LYST: variants seen among roughly 807,000 people sequenced by gnomAD.
LYST encodes lysosomal trafficking regulator.
LYST carries 192 observed loss-of-function variants against 413.6 expected under a neutral mutation model. That is an observed-to-expected ratio of 0.46 (90% CI 0.41 to 0.52). The LOEUF (loss-of-function observed/expected upper bound fraction) is 0.52, where lower values mean the gene tolerates loss of function less well. Among genes scored for constraint, LYST ranks in the 20% least tolerant of loss-of-function variants. The probability of loss-of-function intolerance (pLI) is 0.00; values close to 1 mark genes in which losing one functional copy is unlikely to be tolerated. For missense variants in LYST, 3,815 were observed against 4,499.9 expected (o/e 0.85, Z 4.35); for synonymous variants, 1,525 against 1,567.3 (o/e 0.97, Z 0.64).
chr1:235,694,395 A>G (rs1243124396), intron 46 of LYST, among the ~76,000 whole-genome samples: 1 of 152,010 alleles, frequency 6.6e-6, no homozygotes, highest in African/African-American at 2.4e-5. Context: ...CAGTACTATT[A>G]ATTATCTATG....
chr1:235,768,607 G>GA (rs1341979063), intron 20 of LYST, among the ~76,000 whole-genome samples: 3 of 151,764 alleles, frequency 2.0e-5, no homozygotes, highest in African/African-American at 4.8e-5. Flanking sequence ...TACATGTAAA[G>GA]AAAAAAATTT....
chr1:235,680,792 T>C (rs545265263), intron 48 of LYST, among the ~76,000 whole-genome samples: 55 of 151,964 alleles, frequency 3.6e-4, no homozygotes, highest in African/African-American at 1.3e-3. Flanking sequence ...AGAGAAGAGG[T>C]TTCCCCATGT....
chr1:235,695,759 A>T lies in LYST; in HGVS notation c.10564+1324T>A, dbSNP rs556835802. ...GCCATTCTCCTGCCTCAGCCTCCCG[A>T]GTAGCTGGGACTACAGGAGCCCGCC... is the stretch of plus-strand genomic sequence containing the variant. On this transcript the variant is annotated intron_variant, in intron 46 of 52. Transcript: ENST00000389793. 2.7e-5 allele frequency among the ~76,000 whole-genome samples: 4 copies of T among 150,504 alleles called. No individual in the cohort carries two copies. In the Admixed American group the frequency reaches 2.7e-4, roughly 10 times the overall value.
chr1:235,669,765 C>T (rs1463141012), intron 50 of LYST, among the ~76,000 whole-genome samples: 1 of 152,212 alleles, frequency 6.6e-6, no homozygotes. Flanking sequence ...AGTGTACTTT[C>T]ATTTTCAATA....
Position 235,734,653 on chromosome 1 carries a change from C to T in LYST, c.8365G>A (p.Ala2789Thr). The stretch of plus-strand genomic sequence containing the variant: ...TCTGACAAATACAAAACTAACTTGG[C>T]TCCATGCTTTAAAAAAAGTAATAAT... Reference protein sequence around the residue: ...DCLSPSLQHGAKLVLYLSELI... With the variant: ...DCLSPSLQHGTKLVLYLSELI... Residue 2789 changes from alanine (A) to threonine (T), a missense_variant, in exon 32 of 53, where the codon GCC (alanine) becomes ACC (threonine). This residue lies in a region of LYST where 771 missense variants were observed against 837.1 expected (regional missense o/e 0.92). Coordinates refer to ENST00000389793, the MANE Select transcript of LYST (RefSeq NM_000081.4). The T allele has an allele frequency of 6.2e-7, 1 of 1,602,994 alleles. No individual in the cohort carries two copies. Among genetic ancestry groups the T allele is most frequent in the Non-Finnish European group, 8.5e-7 (1 of 1,173,938 alleles).
At chr1:235,665,078 G>A (rs1230537589) in intron 50 of LYST, among the ~76,000 whole-genome samples, 1 of 152,250 alleles carries the variant, frequency 6.6e-6, no homozygotes, top group Admixed American at 6.5e-5. Flanking sequence ...ACAGGCGTGA[G>A]CCACTGCACC....
chr1:235,833,391 T>C (rs527401972), intron 2 of LYST, among the ~76,000 whole-genome samples, 187 bp downstream of exon 2: 26 of 152,282 alleles, frequency 1.7e-4, no homozygotes, highest in African/African-American at 6.0e-4. Flanking sequence ...CTCTTAATGT[T>C]ATGTTCATTC....
chr1:235,664,705 G>A lies in LYST; in HGVS notation c.11039-84C>T. ...TTGGCCCCAGAAGGGCAACCCTGAA[G>A]GGCAAGCTCATTTGTTTATTGATGA... On this transcript the variant is annotated intron_variant, in intron 50 of 52. Transcript: ENST00000389793. This position sits in a 1 kb window ranked among gnomAD's most constrained non-coding sequence, Gnocchi z 4.5. The A allele has an allele frequency of 8.2e-7, 1 of 1,221,504 alleles. No homozygotes were observed. Among genetic ancestry groups the A allele is most frequent in the Admixed American group, 1.8e-5 (1 of 56,958 alleles). The allele number at this position is 1,221,504 out of a possible 1,614,324, so 75.7% of individuals were successfully genotyped here. A position where few individuals can be genotyped will look rare whatever the true frequency, so the allele number is the denominator to read the frequency against.
intron 43 of LYST, among the ~76,000 whole-genome samples, chr1:235,709,757 A>C (rs1393839479): frequency 6.7e-6 from 1 of 150,142 alleles, no homozygotes; most frequent in Non-Finnish European, 1.5e-5. Flanking sequence ...TTTAGTAAAT[A>C]TTAGTATTCT....
chr1:235,663,175 T>A (rs1658171385), intron 52 of LYST, 97 bp from the exon 53 acceptor site: 2 of 837,264 alleles, frequency 2.4e-6, no homozygotes, highest in East Asian at 2.5e-5. Context: ...AGAAGTTATC[T>A]TCAGTGGCGC....
At chr1:235,717,703 A>G (rs756682993) in intron 40 of LYST, among the ~76,000 whole-genome samples, 18 of 144,634 alleles carry the variant, frequency 1.2e-4, no homozygotes, top group Admixed American at 2.0e-4. Flanking sequence ...ACATGTTGAT[A>G]CATCTTTTTT....
At chr1:235,768,817 T>TATAAATGATGC (rs1457429249) in intron 20 of LYST, among the ~76,000 whole-genome samples, 6 of 152,064 alleles carry the variant, frequency 3.9e-5, no homozygotes, top group Admixed American at 3.9e-4. Context: ...AAAACTGATG[T>TATAAATGATGC]ATAAATGATG....
In LYST at chr1:235,820,473, G is replaced by A. The variant is rs558037523; in HGVS notation, c.193-7412C>T. Among the ~76,000 whole-genome samples the A allele has an allele frequency of 4.0e-5, 6 of 151,698 alleles. No individual in the cohort carries two copies. The East Asian group carries it at 7.8e-4, about 20-fold the overall frequency. ...CAACCTCCACTGCCCAGGCTCAGGC[G>A]ATCCTCCCGCCCCAGCCTCCCAAGT... On this transcript the variant is annotated intron_variant, in intron 3 of 52. Transcript: ENST00000389793.
At chr1:235,784,225 C>T (rs754055657) in intron 14 of LYST, among the ~76,000 whole-genome samples, 2 of 152,114 alleles carry the variant, frequency 1.3e-5, no homozygotes, top group Admixed American at 6.5e-5. Flanking sequence ...TACTAGAGAA[C>T]CAAGTTTAAG....
chr1:235,833,024 T>C (rs1024164167), intron 2 of LYST, among the ~76,000 whole-genome samples: 5 of 152,136 alleles, frequency 3.3e-5, no homozygotes, highest in African/African-American at 1.2e-4. Context: ...TATAATACTC[T>C]ATAATCTACA....
intron 1 of LYST, 143 bp downstream of exon 1, chr1:235,866,700 C>G (rs1680571543): frequency 6.6e-6 from 1 of 152,354 alleles, no homozygotes; most frequent in Non-Finnish European, 1.5e-5. Context: ...CCCTCGCGCC[C>G]TCGCGCCCTC....
At chr1:235,706,535 A>G (rs1662002019) in intron 44 of LYST, among the ~76,000 whole-genome samples, 1 of 152,242 alleles carries the variant, frequency 6.6e-6, no homozygotes, top group East Asian at 1.9e-4. Flanking sequence ...CCCGTGCCAC[A>G]TAAAACTTGC....
In LYST at chr1:235,753,281, T is replaced by C. The variant is rs747813418; in HGVS notation, c.7230-7A>G. Reference sequence around the variant, plus strand: ...CACATCTTCCAGATCAAATCTATAATAAATAATACAGTTAAGAGCACATTA... The same window carrying C: ...CACATCTTCCAGATCAAATCTATAACAAATAATACAGTTAAGAGCACATTA... On this transcript the variant is annotated splice_region_variant and splice_polypyrimidine_tract_variant and intron_variant, in intron 25 of 52. Transcript: ENST00000389793. 6 of 1,478,580 alleles carry C rather than the reference T, an allele frequency of 4.1e-6. No individual in the cohort carries two copies. The South Asian group carries it at 6.8e-5, about 17-fold the overall frequency. The allele number at this position is 1,478,580 out of a possible 1,614,324, so 91.6% of individuals were successfully genotyped here.
intron 21 of LYST, among the ~76,000 whole-genome samples, 175 bp downstream of exon 21, chr1:235,765,904 C>T (rs75705534): frequency 6.6e-6 from 1 of 151,978 alleles, no homozygotes; most frequent in Admixed American, 6.6e-5. Context: ...CATTTAGACT[C>T]CTTGAGGACA....
Sources: gnomAD v4.1 joint callset for allele counts (sites outside exome capture counted in the v4.1 genomes callset) on GRCh38, gnomAD v4.1.1 for gene constraint, gnomAD v4.1.1 regional missense constraint, Gnocchi (gnomAD v3.1) non-coding constraint, MANE v1.5 for transcripts, NCBI Gene and HGNC (gene_info 2026-07-23, HGNC 2026-07-21) for gene names.